The following ZFR variants were observed in gnomAD, a reference collection of about 807,000 sequenced individuals.
The protein encoded by ZFR is zinc finger RNA-binding protein.
A neutral mutation model predicts 130.7 loss-of-function variants in ZFR; 19 were observed. That is an observed-to-expected ratio of 0.15 (90% CI 0.10 to 0.21). The LOEUF (loss-of-function observed/expected upper bound fraction) is 0.21. ZFR is among the 10% of genes least tolerant of loss of function. The pLI is 1.00. For synonymous variants in ZFR, 466 were observed against 456.9 expected, an observed-to-expected ratio of 1.02 and a Z score of -0.25; for missense variants, 872 against 1,321.5, an observed-to-expected ratio of 0.66 and a Z score of 5.27.
rs1298205292 is a variant in ZFR, at chr5:32,354,476, G to C, written c.*1284C>G. On this transcript the variant is annotated 3_prime_UTR_variant, in exon 20 of 20. Transcript: ENST00000265069. ...TTCATTTTTTGTGTATTTCACTGTA[G>C]TGCTGTGACAACAAAATGACATCTG... 1 of 152,522 alleles carries C rather than the reference G, an allele frequency of 6.6e-6. No individual in the cohort carries two copies. Among genetic ancestry groups the C allele is most frequent in the African/African-American group, 2.4e-5 (1 of 41,420 alleles). 9.4% of individuals were successfully genotyped at this position (152,522 alleles called of 1,614,324 possible). A position where few individuals can be genotyped will look rare whatever the true frequency, so the allele number is the denominator to read the frequency against.
intron 17 of ZFR, among the ~76,000 whole-genome samples, chr5:32,365,331 G>A (rs552364899): frequency 6.6e-6 from 1 of 152,188 alleles, no homozygotes; most frequent in South Asian, 2.1e-4. Context: ...AGTAAAAACT[G>A]CGTCAACCTA....
At chr5:32,385,479 G>C in intron 15 of ZFR, 29 bp downstream of exon 15, 1 of 1,605,486 alleles carries the variant, frequency 6.2e-7, no homozygotes, top group East Asian at 2.2e-5. Flanking sequence ...AAAGTTAATA[G>C]AAAGTAGAAA....
intron 2 of ZFR, among the ~76,000 whole-genome samples, chr5:32,423,427 CAAGT>C (rs1438987754): frequency 6.6e-6 from 1 of 151,844 alleles, no homozygotes; most frequent in Admixed American, 6.6e-5. Context: ...AACTGCAAAA[CAAGT>C]AAGAATGACC....
chr5:32,404,934 A>G (rs1753544510), intron 6 of ZFR, among the ~76,000 whole-genome samples: 1 of 152,116 alleles, frequency 6.6e-6, no homozygotes. Flanking sequence ...CTCCCACCTT[A>G]GACTCCTGAG....
At chr5:32,372,728 G>C (rs1006910539) in intron 17 of ZFR, among the ~76,000 whole-genome samples, 1 of 152,036 alleles carries the variant, frequency 6.6e-6, no homozygotes, top group Non-Finnish European at 1.5e-5. Flanking sequence ...CCAGTTACTT[G>C]AAAGGCTGAG....
chr5:32,435,433 A>T lies in ZFR; in HGVS notation c.137+8796T>A, dbSNP rs183319504. ...TGGGTGAAACATTACAGACTTCTAAATATAAAACTAGGATAACCAGATATT... is the reference window on the plus strand; with the variant it reads ...TGGGTGAAACATTACAGACTTCTAATTATAAAACTAGGATAACCAGATATT... On this transcript the variant is annotated intron_variant, in intron 2 of 19. Transcript: ENST00000265069. 1.7e-3 allele frequency among the ~76,000 whole-genome samples: 259 copies of T among 152,324 alleles called. No homozygotes were observed. The Middle Eastern group carries it at 0.017, about 10-fold the overall frequency.
chr5:32,420,600 G>A (rs777370904), intron 2 of ZFR, among the ~76,000 whole-genome samples: 2 of 152,178 alleles, frequency 1.3e-5, no homozygotes, highest in East Asian at 3.8e-4. Context: ...AAATACTTCT[G>A]TTGCTTTAGG....
chr5:32,401,211 G>T (rs564773701), intron 8 of ZFR, among the ~76,000 whole-genome samples: 11 of 152,234 alleles, frequency 7.2e-5, no homozygotes, highest in Admixed American at 6.5e-4. Flanking sequence ...ATATTCTTAA[G>T]TATCTACAAC....
intron 9 of ZFR, among the ~76,000 whole-genome samples, chr5:32,398,099 G>T (rs1189805799): frequency 6.6e-6 from 1 of 151,556 alleles, no homozygotes; most frequent in Non-Finnish European, 1.5e-5. Context: ...CTCGTGATCC[G>T]CCCGCCTCGG....
At chr5:32,430,079 C>CAAAAAA (rs56163955) in intron 2 of ZFR, among the ~76,000 whole-genome samples, 18 of 70,280 alleles carry the variant, frequency 2.6e-4, no homozygotes, top group African/African-American at 4.7e-4. Context: ...GACCCTATTT[C>CAAAAAA]AAAAAAAAAA....
chr5:32,378,784 AAGG>A (rs1210093694), intron 17 of ZFR, among the ~76,000 whole-genome samples: 3 of 152,024 alleles, frequency 2.0e-5, no homozygotes, highest in Non-Finnish European at 4.4e-5. Context: ...GTCCCTGCAT[AAGG>A]AGATTAACAG....
At chr5:32,430,412 T>C (rs933060411) in intron 2 of ZFR, among the ~76,000 whole-genome samples, 1 of 145,100 alleles carries the variant, frequency 6.9e-6, no homozygotes, top group African/African-American at 2.7e-5. Flanking sequence ...TTACCCAGAA[T>C]GCACAGAGAG....
At chr5:32,371,765 C>G (rs1417098125) in intron 17 of ZFR, among the ~76,000 whole-genome samples, 1 of 151,448 alleles carries the variant, frequency 6.6e-6, no homozygotes, top group Non-Finnish European at 1.5e-5. Flanking sequence ...AAATGGTAAT[C>G]ATTCACATCT....
chr5:32,374,753 T>C lies in ZFR; in HGVS notation c.2835+4362A>G, dbSNP rs538048674. Among the ~76,000 whole-genome samples, 18 of 151,946 alleles carry C rather than the reference T, an allele frequency of 1.2e-4. 1 individual carries two copies. In the East Asian group the frequency reaches 3.5e-3, roughly 29 times the overall value. On this transcript the variant is annotated intron_variant, in intron 17 of 19. Transcript: ENST00000265069. ...AAAAAATCCTAAAATAGCATAACTC[T>C]ATTGAATGGGTTGATTTTTTTAAAG... is the stretch of plus-strand genomic sequence containing the variant.
chr5:32,399,514 C>T lies in ZFR; in HGVS notation c.1713+493G>A, dbSNP rs80288115. On this transcript the variant is annotated intron_variant, in intron 9 of 19. Coordinates refer to ENST00000265069, the MANE Select transcript of ZFR (RefSeq NM_016107.5). ...GTATTTATCCAGTCCCCTCTGATAT[C>T]CCTTCACTCCTTTATTTTACTGAGT... 1.5e-3 allele frequency among the ~76,000 whole-genome samples: 231 copies of T among 152,308 alleles called. 1 individual carries two copies. The East Asian group carries it at 0.038, about 25-fold the overall frequency.
intron 2 of ZFR, among the ~76,000 whole-genome samples, chr5:32,442,256 C>T (rs186561418): frequency 4.6e-5 from 7 of 152,258 alleles, no homozygotes; most frequent in South Asian, 2.1e-4. Context: ...CTTTTCTAGA[C>T]GGAATACTAG....
At chr5:32,434,809 G>A (rs1337774311) in intron 2 of ZFR, among the ~76,000 whole-genome samples, 3 of 152,166 alleles carry the variant, frequency 2.0e-5, no homozygotes, top group Non-Finnish European at 2.9e-5. Context: ...GTCATGGAAT[G>A]TCAATCCTTG....
Position 32,444,602 on chromosome 5 carries a change from G to A in ZFR, c.37+20C>T. 6.8e-7 allele frequency: 1 copy of A among 1,480,890 alleles called. No homozygotes were observed. The allele number at this position is 1,480,890 out of a possible 1,614,324, so 91.7% of individuals were successfully genotyped here. ...AGGGAGGGGGCCGGGCAGAGGCCTC[G>A]CGGGCCACATTAGACTCACCATAGG... is the stretch of plus-strand genomic sequence containing the variant. On this transcript the variant is annotated intron_variant, in intron 1 of 19. Transcript: ENST00000265069.
chr5:32,427,339 C>T (rs1462258059), intron 2 of ZFR, among the ~76,000 whole-genome samples: 3 of 128,314 alleles, frequency 2.3e-5, no homozygotes, highest in African/African-American at 6.0e-5. Flanking sequence ...TGGCCGTGAT[C>T]GTGCCAGTCT....
Sources: allele counts gnomAD v4.1 joint callset (sites outside exome capture counted in the v4.1 genomes callset), GRCh38; gene constraint gnomAD v4.1.1; transcripts MANE v1.5; gene names NCBI Gene and HGNC (gene_info 2026-07-23, HGNC 2026-07-21).